GRB10: variants seen among roughly 807,000 people sequenced by gnomAD.
GRB10 encodes growth factor receptor bound protein 10.
Under a neutral mutation model 80.9 loss-of-function variants are expected in GRB10, and 20 were observed. That is an observed-to-expected ratio of 0.25 (90% CI 0.17 to 0.36). GRB10 has a LOEUF of 0.36. Ranked by LOEUF, GRB10 falls within the 10% of genes least tolerant of loss-of-function variation. The pLI is 1.00. For synonymous variants in GRB10, 291 were observed against 291.5 expected, an observed-to-expected ratio of 1.00 and a Z score of 0.02; for missense variants, 548 against 747.7, an observed-to-expected ratio of 0.73 and a Z score of 3.12.
At chr7:50,783,252 C>CA (rs574737642), upstream of GRB10, among the ~76,000 whole-genome samples, 97 of 152,334 alleles carry the variant, frequency 6.4e-4, no homozygotes, top group Admixed American at 3.1e-3. Context: ...CCCAAAATGT[C>CA]AGAGCAAGAA....
Position 50,591,837 on chromosome 7 carries a change from GGCCCCTGCA to G in GRB10, c.*1106_*1114del, listed in dbSNP as rs1356440236. 2.0e-5 allele frequency: 3 copies of G among 152,220 alleles called. No individual in the cohort carries two copies. Among genetic ancestry groups the G allele is most frequent in the Non-Finnish European group, 4.4e-5 (3 of 68,062 alleles). 9.4% of individuals were successfully genotyped at this position (152,220 alleles called of 1,614,324 possible). A position where few individuals can be genotyped will look rare whatever the true frequency, so the allele number is the denominator to read the frequency against. ...TCTTTAAATATCAGCCTGTGCCTGT[GGCCCCTGCA>G]GCGTTTCCTTGTCTTTATCACTATG... On this transcript the variant is annotated 3_prime_UTR_variant, in exon 19 of 19. Coordinates refer to ENST00000401949, the MANE Select transcript of GRB10 (RefSeq NM_001350814.2).
intron 3 of GRB10, among the ~76,000 whole-genome samples, chr7:50,739,747 G>A (rs1406853132): frequency 6.6e-6 from 1 of 152,208 alleles, no homozygotes; most frequent in Non-Finnish European, 1.5e-5. Context: ...TTCAGTTGGA[G>A]GGCCCGCTCC....
At chr7:50,664,173 C>G (rs2237466) in intron 7 of GRB10, among the ~76,000 whole-genome samples, 137,557 of 152,236 alleles carry the variant, frequency 0.9, 62,362 homozygotes, top group African/African-American at 0.97. Flanking sequence ...GCTGAGCTGA[C>G]ACCCTCCTCA....
At chr7:50,610,364 G>T (rs1585632425) in intron 13 of GRB10, among the ~76,000 whole-genome samples, 1 of 152,216 alleles carries the variant, frequency 6.6e-6, no homozygotes, top group African/African-American at 2.4e-5. Flanking sequence ...ACTTGAGACC[G>T]GCCCCGAGGC....
chr7:50,718,524 C>T (rs1224875420), intron 4 of GRB10, among the ~76,000 whole-genome samples: 1 of 152,128 alleles, frequency 6.6e-6, no homozygotes, highest in Non-Finnish European at 1.5e-5. Context: ...TGACTGAGAT[C>T]AGTGAGAGCT....
intron 8 of GRB10, among the ~76,000 whole-genome samples, chr7:50,622,885 G>A (rs1329553257): frequency 1.3e-5 from 2 of 151,832 alleles, no homozygotes; most frequent in African/African-American, 4.8e-5. Context: ...CAACTTCCTG[G>A]GCTCAGGTGA....
intron 2 of GRB10, among the ~76,000 whole-genome samples, chr7:50,757,219 T>TA (rs1320061293): frequency 6.6e-6 from 1 of 152,206 alleles, no homozygotes; most frequent in Non-Finnish European, 1.5e-5. Context: ...TCTGGGCAAA[T>TA]TATTGAGTCA....
At chr7:50,606,892 A>G in intron 13 of GRB10, 1 of 183,072 alleles carries the variant, frequency 5.5e-6, no homozygotes, top group South Asian at 1.1e-4. Flanking sequence ...AGTATGTATC[A>G]AGCAATTTAA....
At chr7:50,755,633 C>T (rs928521924) in intron 3 of GRB10, among the ~76,000 whole-genome samples, 11 of 152,090 alleles carry the variant, frequency 7.2e-5, no homozygotes, top group African/African-American at 2.2e-4. Context: ...GTGCGCAGCC[C>T]GGCTCTGCTG....
chr7:50,626,679 G>A (rs1260954780), intron 8 of GRB10, 143 bp downstream of exon 8: 1 of 882,780 alleles, frequency 1.1e-6, no homozygotes, highest in African/African-American at 1.6e-5. Context: ...AGGAGAAACA[G>A]GAGAGTCGAG....
intron 3 of GRB10, among the ~76,000 whole-genome samples, chr7:50,743,128 G>A (rs966199509): frequency 2.6e-5 from 4 of 152,216 alleles, no homozygotes; most frequent in Admixed American, 6.5e-5. Flanking sequence ...TGCATTGATG[G>A]GAGAAGGGGG....
chr7:50,639,111 G>A (rs2055636129), intron 7 of GRB10, among the ~76,000 whole-genome samples: 1 of 152,162 alleles, frequency 6.6e-6, no homozygotes, highest in South Asian at 2.1e-4. Flanking sequence ...GAAGGAGGGG[G>A]TGAGGGTTTT....
In GRB10 at chr7:50,777,066, A is replaced by G. The variant is rs183963548; in HGVS notation, c.-217+3561T>C. Among the ~76,000 whole-genome samples, 896 of 152,202 alleles carry G rather than the reference A, an allele frequency of 5.9e-3. 2 individuals carry two copies. Among genetic ancestry groups the G allele is most frequent in the Non-Finnish European group, 7.9e-3 (540 of 68,014 alleles). On this transcript the variant is annotated intron_variant, in intron 2 of 18. Transcript: ENST00000401949. Reference sequence around the variant, plus strand: ...TTTCTGTCTGTGCTGCTATAACAAAATCCACAGGTTAGGTAATTTATAAAT... The same window carrying G: ...TTTCTGTCTGTGCTGCTATAACAAAGTCCACAGGTTAGGTAATTTATAAAT...
chr7:50,775,179 A>AAAAAAAAAAAAAAAAAAAAAC (rs1562689445), intron 2 of GRB10, among the ~76,000 whole-genome samples: 2 of 148,606 alleles, frequency 1.3e-5, no homozygotes, highest in Non-Finnish European at 3.0e-5. Context: ...AAAAACAAAA[A>AAAAAAAAAAAAAAAAAAAAAC]AAAACAGTGG....
intron 17 of GRB10, among the ~76,000 whole-genome samples, chr7:50,603,463 G>A (rs1313635762): frequency 6.6e-6 from 1 of 152,188 alleles, no homozygotes; most frequent in African/African-American, 2.4e-5. Flanking sequence ...CACATGCCCA[G>A]TCACTAATTG....
intron 18 of GRB10, among the ~76,000 whole-genome samples, 187 bp from the exon 19 acceptor site, chr7:50,593,285 T>C (rs2046038492): frequency 6.6e-6 from 1 of 152,150 alleles, no homozygotes; most frequent in Admixed American, 6.5e-5. Flanking sequence ...GGGGCTGCCA[T>C]GTCCCTGAGC....
intron 7 of GRB10, among the ~76,000 whole-genome samples, chr7:50,666,314 G>A (rs2059792065): frequency 6.6e-6 from 1 of 152,210 alleles, no homozygotes; most frequent in Non-Finnish European, 1.5e-5. Flanking sequence ...CGTTGTAGGG[G>A]CTCAAGGTGA....
chr7:50,758,169 T>C (rs1405870336), intron 2 of GRB10, among the ~76,000 whole-genome samples: 4 of 152,282 alleles, frequency 2.6e-5, no homozygotes, highest in East Asian at 1.9e-4. Context: ...GAAAGCCTGC[T>C]GCAAACACAA....
chr7:50,620,571 C>T lies in GRB10; in HGVS notation c.662-1286G>A, dbSNP rs144064930. On this transcript the variant is annotated intron_variant, in intron 8 of 18. Transcript: ENST00000401949. ...AGGAAAGGATTCCTTGGTAAAAACA[C>T]ATTTAAAGCCAGAGTTTGTGAAGGA... Among the ~76,000 whole-genome samples, 578 of 152,242 alleles carry T rather than the reference C, an allele frequency of 3.8e-3. 5 individuals carry two copies. The highest frequency in any genetic ancestry group is 0.013 in the African/African-American group (550 of 41,536).
Sources: allele counts gnomAD v4.1 joint callset (sites outside exome capture counted in the v4.1 genomes callset), GRCh38; gene constraint gnomAD v4.1.1; transcripts MANE v1.5; gene names NCBI Gene and HGNC (gene_info 2026-07-23, HGNC 2026-07-21).